The following CDH20 variants were observed in gnomAD, a reference collection of about 807,000 sequenced individuals.
The protein encoded by CDH20 is cadherin-20.
A neutral mutation model predicts 74.2 loss-of-function variants in CDH20; 29 were observed. The observed-to-expected ratio is 0.39, with a 90% CI of 0.29 to 0.53. CDH20 has a LOEUF of 0.53. CDH20 is among the 20% of genes least tolerant of loss of function. The pLI is 0.69. For synonymous variants in CDH20, 469 were observed against 405.4 expected (o/e 1.16, Z -1.88); for missense variants, 988 against 1,048.3 (o/e 0.94, Z 0.79).
chr18:61,489,205 C>A (rs1025266211), intron 1 of CDH20, among the ~76,000 whole-genome samples: 1 of 152,086 alleles, frequency 6.6e-6, no homozygotes, highest in African/African-American at 2.4e-5. Flanking sequence ...TTTAAAATTT[C>A]TTTTGTACAT....
chr18:61,380,319 A>C (rs1028642247), intron 1 of CDH20, among the ~76,000 whole-genome samples: 8 of 152,192 alleles, frequency 5.3e-5, no homozygotes, highest in Admixed American at 4.6e-4. Flanking sequence ...TGGAAAGAAA[A>C]GGGGAGGAGG....
At chr18:61,463,136 G>C (rs1342186370) in intron 1 of CDH20, among the ~76,000 whole-genome samples, 1 of 151,920 alleles carries the variant, frequency 6.6e-6, no homozygotes, top group Non-Finnish European at 1.5e-5. Flanking sequence ...CCATTTCAAG[G>C]GCCCTTTCTG....
At chr18:61,391,125 C>T (rs1028147870) in intron 1 of CDH20, among the ~76,000 whole-genome samples, 2 of 152,078 alleles carry the variant, frequency 1.3e-5, no homozygotes, top group Non-Finnish European at 2.9e-5. Context: ...TATGTTTCAT[C>T]AACAGGGAAA....
chr18:61,524,308 C>A (rs1160509237), intron 6 of CDH20, among the ~76,000 whole-genome samples: 1 of 152,130 alleles, frequency 6.6e-6, no homozygotes, highest in Admixed American at 6.5e-5. Flanking sequence ...CAAGGGCTGA[C>A]AAAGATGTGG....
intron 4 of CDH20, among the ~76,000 whole-genome samples, chr18:61,502,568 T>C (rs1319830760): frequency 6.6e-6 from 1 of 152,132 alleles, no homozygotes; most frequent in African/African-American, 2.4e-5. Context: ...TTCACAGATT[T>C]GTAGACTTAT....
At chr18:61,460,860 A>T (rs1909741869) in intron 1 of CDH20, among the ~76,000 whole-genome samples, 1 of 152,356 alleles carries the variant, frequency 6.6e-6, no homozygotes, top group Non-Finnish European at 1.5e-5. Context: ...GGCAATATTT[A>T]AAAACTTTCT....
At chr18:61,336,836 T>C (rs1599021988) in intron 1 of CDH20, among the ~76,000 whole-genome samples, 2 of 147,278 alleles carry the variant, frequency 1.4e-5, no homozygotes, top group Non-Finnish European at 3.0e-5. Context: ...GTGATGAGAA[T>C]AGGTCTTTTC....
intron 1 of CDH20, among the ~76,000 whole-genome samples, chr18:61,454,291 C>T (rs188380385): frequency 6.6e-6 from 1 of 152,176 alleles, no homozygotes; most frequent in East Asian, 1.9e-4. Flanking sequence ...CAAAACTCCA[C>T]CTTAACACAG....
intron 1 of CDH20, among the ~76,000 whole-genome samples, chr18:61,428,082 T>C (rs1174282668): frequency 6.6e-6 from 1 of 152,184 alleles, no homozygotes; most frequent in Non-Finnish European, 1.5e-5. Context: ...CACAAGCTGA[T>C]GACATTTAAA....
At chr18:61,520,315 C>CAAAAAAAAAAA (rs58685164) in intron 6 of CDH20, among the ~76,000 whole-genome samples, 1 of 122,040 alleles carries the variant, frequency 8.2e-6, no homozygotes. Flanking sequence ...GACTCCGTCT[C>CAAAAAAAAAAA]AAAAAAAAAA....
intron 4 of CDH20, 49 bp downstream of exon 4, chr18:61,500,551 A>T: frequency 6.4e-7 from 1 of 1,574,106 alleles, no homozygotes; most frequent in Non-Finnish European, 8.7e-7. Context: ...CTGATAATTT[A>T]TAACTGCTGC....
intron 1 of CDH20, among the ~76,000 whole-genome samples, chr18:61,385,717 G>T (rs1911573726): frequency 6.6e-6 from 1 of 152,112 alleles, no homozygotes; most frequent in Non-Finnish European, 1.5e-5. Context: ...CAGATCACAA[G>T]GTCAGGAGTT....
In CDH20 at chr18:61,536,759, CA is replaced by C. The variant is rs939750324; in HGVS notation, c.1408+132del. 8 of 787,716 alleles carry C rather than the reference CA, an allele frequency of 1.0e-5. No homozygotes were observed. In the African/African-American group the frequency reaches 1.2e-4, roughly 12 times the overall value. 48.8% of individuals were successfully genotyped at this position (787,716 alleles called of 1,614,324 possible). A position where few individuals can be genotyped will look rare whatever the true frequency, so the allele number is the denominator to read the frequency against. ...GAAGAAATGGAAATCATGCTTTATGCAAGTAAGTAAATGCGTTCAGTTCAAA... is the reference window on the plus strand; with the variant it reads ...GAAGAAATGGAAATCATGCTTTATGCAGTAAGTAAATGCGTTCAGTTCAAA... On this transcript the variant is annotated intron_variant, in intron 8 of 11. Transcript: ENST00000262717.
chr18:61,544,549 T>C (rs576557163), intron 9 of CDH20, among the ~76,000 whole-genome samples: 1 of 152,262 alleles, frequency 6.6e-6, no homozygotes, highest in South Asian at 2.1e-4. Flanking sequence ...GGGAAGGTGA[T>C]CTTCCCCCGG....
chr18:61,347,309 TATATATATATACACAC>T (rs1376537437), intron 1 of CDH20, among the ~76,000 whole-genome samples: 53 of 89,864 alleles, frequency 5.9e-4, no homozygotes, highest in Non-Finnish European at 6.0e-4. Context: ...TATATATATA[TATATATATATACACAC>T]ACACACACAC....
intron 1 of CDH20, among the ~76,000 whole-genome samples, chr18:61,393,982 A>T (rs1232545952): frequency 2.6e-5 from 4 of 152,120 alleles, no homozygotes; most frequent in Non-Finnish European, 2.9e-5. Flanking sequence ...CCTTCTCATT[A>T]ATTTTTTAAT....
chr18:61,554,600 G>A lies in CDH20; in HGVS notation c.2311G>A (p.Glu771Lys). Residue 771 changes from glutamate (E) to lysine (K), a missense_variant, in exon 12 of 12, where the codon GAA (glutamate) becomes AAA (lysine). Glu to Lys is a moderately conservative substitution (Grantham distance 56). This residue lies in a region of CDH20 where 375 missense variants were observed against 293.1 expected (regional missense o/e 1.28). Transcript: ENST00000262717. ...CCTGCAGTCGGCCACGTCGGACTCG[G>A]AACAGAGCTTCGACTTCCTGACGGA... is the stretch of plus-strand genomic sequence containing the variant. ...SSLQSATSDS[E>K]QSFDFLTDWG... 1 of 1,608,824 alleles carries A rather than the reference G, an allele frequency of 6.2e-7. No homozygotes were observed. The highest frequency in any genetic ancestry group is 1.1e-5 in the South Asian group (1 of 90,252).
At chr18:61,488,359 T>C (rs1486177640) in intron 1 of CDH20, among the ~76,000 whole-genome samples, 1 of 152,106 alleles carries the variant, frequency 6.6e-6, no homozygotes, top group Non-Finnish European at 1.5e-5. Flanking sequence ...ATCCATAAAA[T>C]ATATATTTCT....
rs1325136594 is a variant in CDH20, at chr18:61,555,089, C to T, written c.*394C>T. 12 of 1,034,808 alleles carry T rather than the reference C, an allele frequency of 1.2e-5. No homozygotes were observed. Among genetic ancestry groups the T allele is most frequent in the Admixed American group, 5.1e-5 (1 of 19,734 alleles). 64.1% of individuals were successfully genotyped at this position (1,034,808 alleles called of 1,614,324 possible). ...AATTGAAAGCAGAAAGTTCTACTCT[C>T]GTATCTGTTTTTTATCTTATCTTAT... On this transcript the variant is annotated 3_prime_UTR_variant, in exon 12 of 12. Coordinates refer to ENST00000262717, the MANE Select transcript of CDH20 (RefSeq NM_031891.4).
Sources: allele counts gnomAD v4.1 joint callset (sites outside exome capture counted in the v4.1 genomes callset), GRCh38; gene constraint gnomAD v4.1.1; regional missense constraint gnomAD v4.1.1; transcripts MANE v1.5; gene names NCBI Gene and HGNC (gene_info 2026-07-23, HGNC 2026-07-21).